Variants in NOL4 observed in about 807,000 individuals in gnomAD.
NOL4 encodes the protein cancer/testis antigen 125.
NOL4 carries 17 observed loss-of-function variants against 75.9 expected under a neutral mutation model. That is an observed-to-expected ratio of 0.22 (90% CI 0.15 to 0.34). NOL4 has a LOEUF of 0.34. Ranked by LOEUF, NOL4 falls within the 10% of genes least tolerant of loss-of-function variation. NOL4 has a pLI of 1.00. For synonymous variants in NOL4, 292 were observed against 289.9 expected (o/e 1.01, Z -0.07); for missense variants, 614 against 793.5 (o/e 0.77, Z 2.72).
intron 5 of NOL4, among the ~76,000 whole-genome samples, chr18:34,056,868 C>T (rs966860455): frequency 8.5e-5 from 13 of 152,120 alleles, no homozygotes; most frequent in Admixed American, 3.3e-4. Flanking sequence ...ATTAGGGCCT[C>T]GGGCCTCTTG....
rs983933441 is a variant in NOL4 at position 33,851,688 on chromosome 18, A to C, written c.*1154T>G. ...CACTCATGTGTATCCCACACTATAA[A>C]ATAAGAAAGAAGGGTAAAGTATGGG... On this transcript the variant is annotated 3_prime_UTR_variant, in exon 11 of 11. Coordinates refer to ENST00000261592, the MANE Select transcript of NOL4 (RefSeq NM_003787.5). 2.0e-5 allele frequency: 3 copies of C among 152,414 alleles called. No homozygotes were observed. Among genetic ancestry groups the C allele is most frequent in the South Asian group, 4.1e-4 (2 of 4,834 alleles). The allele number at this position is 152,414 out of a possible 1,614,324, so 9.4% of individuals were successfully genotyped here. A position where few individuals can be genotyped will look rare whatever the true frequency, so the allele number is the denominator to read the frequency against.
At chr18:34,139,903 A>G (rs1600705228) in intron 1 of NOL4, among the ~76,000 whole-genome samples, 1 of 152,300 alleles carries the variant, frequency 6.6e-6, no homozygotes, top group South Asian at 2.1e-4. Context: ...GGTTTCCAAG[A>G]ACATCTTTAT....
At chr18:34,007,313 A>G (rs1401928221) in intron 6 of NOL4, among the ~76,000 whole-genome samples, 1 of 152,012 alleles carries the variant, frequency 6.6e-6, no homozygotes, top group Non-Finnish European at 1.5e-5. Context: ...GCCCTGTGAT[A>G]TAAGGTCAAT....
intron 9 of NOL4, among the ~76,000 whole-genome samples, chr18:33,903,454 T>C (rs1232104300): frequency 6.6e-6 from 1 of 152,138 alleles, no homozygotes; most frequent in Non-Finnish European, 1.5e-5. Context: ...GCAATCCTTG[T>C]GCTGTTAAGT....
At chr18:33,886,807 A>C (rs1005983792) in intron 9 of NOL4, among the ~76,000 whole-genome samples, 2 of 141,862 alleles carry the variant, frequency 1.4e-5, no homozygotes, top group East Asian at 2.0e-4. Flanking sequence ...CTATATACGT[A>C]TATAGATATA....
At chr18:34,078,315 C>T (rs2077840463) in intron 5 of NOL4, among the ~76,000 whole-genome samples, 1 of 152,098 alleles carries the variant, frequency 6.6e-6, no homozygotes, top group African/African-American at 2.4e-5. Context: ...GAAGTTAATT[C>T]CCTTCTTTTA....
chr18:34,051,391 G>A (rs1041879506), intron 5 of NOL4, among the ~76,000 whole-genome samples: 1 of 151,934 alleles, frequency 6.6e-6, no homozygotes, highest in African/African-American at 2.4e-5. Context: ...ATGTATTCAA[G>A]TAATCAATGA....
intron 5 of NOL4, among the ~76,000 whole-genome samples, chr18:34,027,708 T>C (rs1479771807): frequency 6.6e-6 from 1 of 152,212 alleles, no homozygotes; most frequent in African/African-American, 2.4e-5. Flanking sequence ...AGTGAGGACC[T>C]TACTTTAACA....
At chr18:34,065,553 A>G (rs1326197726) in intron 5 of NOL4, among the ~76,000 whole-genome samples, 1 of 151,830 alleles carries the variant, frequency 6.6e-6, no homozygotes, top group Non-Finnish European at 1.5e-5. Context: ...AGAATGTTTT[A>G]AATCAATTGT....
chr18:34,128,191 A>G (rs928601003), intron 2 of NOL4, among the ~76,000 whole-genome samples: 1 of 151,974 alleles, frequency 6.6e-6, no homozygotes, highest in Non-Finnish European at 1.5e-5. Flanking sequence ...TTAAAGGTCT[A>G]TAATAAATGC....
chr18:33,860,590 T>C (rs938030309), intron 10 of NOL4, among the ~76,000 whole-genome samples: 2 of 152,182 alleles, frequency 1.3e-5, no homozygotes, highest in Non-Finnish European at 2.9e-5. Context: ...CAGGGACAAT[T>C]TGACTTCCTC....
At chr18:34,217,561 A>G (rs2036990576) in intron 1 of NOL4, among the ~76,000 whole-genome samples, 1 of 152,176 alleles carries the variant, frequency 6.6e-6, no homozygotes, top group South Asian at 2.1e-4. Flanking sequence ...TGCTAGGATT[A>G]CAGGCATGAG....
At chr18:33,974,917 A>G (rs1008244041) in intron 6 of NOL4, among the ~76,000 whole-genome samples, 19 of 152,222 alleles carry the variant, frequency 1.2e-4, no homozygotes, top group African/African-American at 4.6e-4. Context: ...AAAGCAATTC[A>G]ACTGTCCATG....
At chr18:34,019,272 C>T (rs890372551) in intron 6 of NOL4, 46 bp downstream of exon 6, 13 of 1,566,264 alleles carry the variant, frequency 8.3e-6, no homozygotes, top group African/African-American at 1.4e-5. Context: ...TTTTTGTGAC[C>T]TTCATGACCA....
At chr18:33,874,993 G>A (rs1298228054) in intron 10 of NOL4, among the ~76,000 whole-genome samples, 2 of 152,008 alleles carry the variant, frequency 1.3e-5, no homozygotes, top group Non-Finnish European at 2.9e-5. Context: ...ACAAATGTTA[G>A]TGATTATGGT....
chr18:34,224,501 G>A lies in NOL4; in HGVS notation c.-1248C>T, dbSNP rs961720157. The A allele has an allele frequency of 6.6e-6, 1 of 152,322 alleles. No individual in the cohort carries two copies. Among genetic ancestry groups the A allele is most frequent in the Admixed American group, 6.5e-5 (1 of 15,286 alleles). 9.4% of individuals were successfully genotyped at this position (152,322 alleles called of 1,614,324 possible). On this transcript the variant is annotated 5_prime_UTR_variant, in exon 1 of 11. Transcript: ENST00000261592. ...TTTGTTTCCAGAGCTGGAAATAGGG[G>A]AGTTCCCATCCTCCTCGCGCGGCGG...
intron 10 of NOL4, among the ~76,000 whole-genome samples, chr18:33,876,116 G>A (rs1306476805): frequency 2.0e-5 from 3 of 151,990 alleles, no homozygotes; most frequent in Non-Finnish European, 2.9e-5. Context: ...ACAAAGATTT[G>A]AACATGAGAA....
intron 2 of NOL4, among the ~76,000 whole-genome samples, chr18:34,113,976 T>C (rs1251650364): frequency 6.6e-6 from 1 of 152,234 alleles, no homozygotes; most frequent in Non-Finnish European, 1.5e-5. Flanking sequence ...GTAGCCCATT[T>C]ATCAAAGTCC....
chr18:34,113,015 A>C (rs755402229), intron 2 of NOL4, among the ~76,000 whole-genome samples: 12 of 152,100 alleles, frequency 7.9e-5, no homozygotes, highest in Non-Finnish European at 1.6e-4. Flanking sequence ...GTCTCTTTCT[A>C]TTGCCCAGGC....
Sources: allele counts gnomAD v4.1 joint callset (sites outside exome capture counted in the v4.1 genomes callset), GRCh38; gene constraint gnomAD v4.1.1; transcripts MANE v1.5; gene names NCBI Gene and HGNC (gene_info 2026-07-23, HGNC 2026-07-21).